Variants in PTPRG observed in about 807,000 individuals in gnomAD.
PTPRG encodes receptor-type tyrosine-protein phosphatase gamma.
PTPRG carries 102 observed loss-of-function variants against 165.3 expected under a neutral mutation model. The observed-to-expected ratio is 0.62, with a 90% CI of 0.53 to 0.73. The LOEUF (loss-of-function observed/expected upper bound fraction) is 0.73, where lower values mean the gene tolerates loss of function less well. Ranked by LOEUF, PTPRG falls within the 30% of genes least tolerant of loss-of-function variation. The pLI is 0.00. For missense variants in PTPRG, 1,866 were observed against 1,861.4 expected (o/e 1.00, Z -0.05); for synonymous variants, 675 against 669.5 (o/e 1.01, Z -0.13).
intron 2 of PTPRG, among the ~76,000 whole-genome samples, chr3:61,952,712 G>A (rs921501584): frequency 6.6e-6 from 1 of 152,072 alleles, no homozygotes; most frequent in Non-Finnish European, 1.5e-5. Flanking sequence ...CCCAGGAGTG[G>A]CAGAAACATA....
At chr3:61,920,542 T>C (rs2039053206) in intron 2 of PTPRG, among the ~76,000 whole-genome samples, 1 of 152,160 alleles carries the variant, frequency 6.6e-6, no homozygotes, top group Non-Finnish European at 1.5e-5. Context: ...ACCATAGGCT[T>C]GCACCACCAC....
intron 1 of PTPRG, among the ~76,000 whole-genome samples, chr3:61,681,740 G>A (rs1703448012): frequency 6.6e-6 from 1 of 152,122 alleles, no homozygotes; most frequent in Admixed American, 6.6e-5. Context: ...TAGCCATTAT[G>A]ATTTTTCTTG....
At chr3:61,751,279 C>G (rs535358652) in intron 2 of PTPRG, among the ~76,000 whole-genome samples, 1 of 152,250 alleles carries the variant, frequency 6.6e-6, no homozygotes, top group Non-Finnish European at 1.5e-5. Context: ...AGACCAGCAC[C>G]TTAAAACCAC....
chr3:61,742,512 C>T, intron 1 of PTPRG: 1 of 1,594,414 alleles, frequency 6.3e-7, no homozygotes, highest in Middle Eastern at 1.7e-4. Context: ...CCCGGACATT[C>T]TGCCAGTTTT....
intron 2 of PTPRG, among the ~76,000 whole-genome samples, chr3:61,906,455 GA>G (rs1200517346): frequency 6.9e-6 from 1 of 145,890 alleles, no homozygotes; most frequent in East Asian, 2.0e-4. Flanking sequence ...AACTCCACCT[GA>G]AAAAAAAAGG....
intron 1 of PTPRG, among the ~76,000 whole-genome samples, chr3:61,622,442 T>A (rs143232363): frequency 6.6e-6 from 1 of 152,270 alleles, no homozygotes; most frequent in Non-Finnish European, 1.5e-5. Flanking sequence ...GATAATTTTT[T>A]TTTTTGCTAT....
chr3:62,097,393 T>C (rs1306526950), intron 5 of PTPRG, among the ~76,000 whole-genome samples: 1 of 152,056 alleles, frequency 6.6e-6, no homozygotes, highest in Non-Finnish European at 1.5e-5. Context: ...CAGCACCGAG[T>C]GTTCTCTAAA....
intron 8 of PTPRG, among the ~76,000 whole-genome samples, chr3:62,170,602 T>A (rs889753596): frequency 6.6e-6 from 1 of 152,226 alleles, no homozygotes; most frequent in Non-Finnish European, 1.5e-5. Context: ...TCTCTGAATT[T>A]GACCACAACC....
intron 1 of PTPRG, among the ~76,000 whole-genome samples, chr3:61,748,209 G>C (rs540219605): frequency 6.6e-6 from 1 of 152,320 alleles, no homozygotes; most frequent in African/African-American, 2.4e-5. Context: ...AAAGGATGTG[G>C]AAGACTGGTA....
intron 2 of PTPRG, among the ~76,000 whole-genome samples, chr3:61,958,413 G>GC (rs1450667139): frequency 6.6e-6 from 1 of 152,148 alleles, no homozygotes; most frequent in Non-Finnish European, 1.5e-5. Flanking sequence ...GGGATTGTAG[G>GC]CCTGAGCCAC....
At chr3:62,096,846 C>G (rs2106814051) in intron 5 of PTPRG, among the ~76,000 whole-genome samples, 1 of 152,326 alleles carries the variant, frequency 6.6e-6, no homozygotes, top group South Asian at 2.1e-4. Flanking sequence ...TGGTTCCTAG[C>G]TGCATTGGGC....
chr3:62,075,759 AC>A lies in PTPRG; in HGVS notation c.520-2402del, dbSNP rs372762209. ...TTTTCCTTCTGGGACTTTATTGTTCACCGTCAAATCTCTAAATCTCTCTGGG... is the reference window on the plus strand; with the variant it reads ...TTTTCCTTCTGGGACTTTATTGTTCACGTCAAATCTCTAAATCTCTCTGGG... On this transcript the variant is annotated intron_variant, in intron 4 of 29. Transcript: ENST00000474889. 2.7e-4 allele frequency among the ~76,000 whole-genome samples: 41 copies of A among 152,216 alleles called. No homozygotes were observed. In the East Asian group the frequency reaches 3.5e-3, roughly 13 times the overall value.
At chr3:61,945,913 G>T (rs894386741) in intron 2 of PTPRG, among the ~76,000 whole-genome samples, 49 of 152,204 alleles carry the variant, frequency 3.2e-4, no homozygotes, top group African/African-American at 1.1e-3. Context: ...ACGTGAAGTG[G>T]CTTGCCCAAG....
intron 27 of PTPRG, among the ~76,000 whole-genome samples, chr3:62,282,404 T>A (rs1702483898): frequency 3.3e-5 from 5 of 150,994 alleles, no homozygotes; most frequent in East Asian, 1.9e-4. Flanking sequence ...TTTTTTTTTT[T>A]AATTTTTTTA....
chr3:61,991,875 C>G (rs192155431), intron 3 of PTPRG, among the ~76,000 whole-genome samples: 1 of 152,164 alleles, frequency 6.6e-6, no homozygotes, highest in Admixed American at 6.5e-5. Flanking sequence ...AGGTTTTAGA[C>G]GTATGTAGGG....
chr3:62,213,790 T>C lies in PTPRG; in HGVS notation c.2156-5061T>C, dbSNP rs1308701115. On this transcript the variant is annotated intron_variant, in intron 12 of 29. Coordinates refer to ENST00000474889, the MANE Select transcript of PTPRG (RefSeq NM_002841.4). This position sits in a 1 kb window ranked among gnomAD's most constrained non-coding sequence, Gnocchi z 4.4. ...GAGGGCATATAATGATATGGGTGTA[T>C]ACTCAGGGCCACATTTTGTGTGTTG... 6.6e-6 allele frequency among the ~76,000 whole-genome samples: 1 copy of C among 152,178 alleles called. No individual in the cohort carries two copies. Among genetic ancestry groups the C allele is most frequent in the African/African-American group, 2.4e-5 (1 of 41,446 alleles).
At position 62,273,626 on chromosome 3, in the gene PTPRG, A is replaced by G. The variant is rs1371947614; in HGVS notation, c.3319-72A>G. On this transcript the variant is annotated intron_variant, in intron 22 of 29. Coordinates refer to ENST00000474889, the MANE Select transcript of PTPRG (RefSeq NM_002841.4). This position sits in a 1 kb window ranked among gnomAD's most constrained non-coding sequence, Gnocchi z 4.1. ...TCCCTGTTAGCAGCAGAATTAAACTAAGGTACACTTCATGAATGAGTGGCT... is the reference window on the plus strand; with the variant it reads ...TCCCTGTTAGCAGCAGAATTAAACTGAGGTACACTTCATGAATGAGTGGCT... The G allele has an allele frequency of 6.7e-7, 1 of 1,483,122 alleles. No homozygotes were observed. 91.9% of individuals were successfully genotyped at this position (1,483,122 alleles called of 1,614,324 possible).
At chr3:62,175,389 G>A (rs147436573) in intron 8 of PTPRG, among the ~76,000 whole-genome samples, 38 of 152,292 alleles carry the variant, frequency 2.5e-4, no homozygotes, top group African/African-American at 8.9e-4. Context: ...GTAGAGGTGA[G>A]CAGTTCGCTT....
At chr3:61,705,003 G>A (rs2106721587) in intron 1 of PTPRG, among the ~76,000 whole-genome samples, 1 of 152,280 alleles carries the variant, frequency 6.6e-6, no homozygotes, top group South Asian at 2.1e-4. Flanking sequence ...TCATGTTAAA[G>A]CCAGGCAGCT....
Sources: allele counts gnomAD v4.1 joint callset (sites outside exome capture counted in the v4.1 genomes callset), GRCh38; gene constraint gnomAD v4.1.1; non-coding constraint Gnocchi (gnomAD v3.1); transcripts MANE v1.5; gene names NCBI Gene and HGNC (gene_info 2026-07-23, HGNC 2026-07-21).